NIPSNAP2: variants seen among roughly 807,000 people sequenced by gnomAD.
The protein encoded by NIPSNAP2 is protein NipSnap homolog 2.
NIPSNAP2 carries 42 observed loss-of-function variants against 48.4 expected under a neutral mutation model. The observed-to-expected ratio is 0.87, with a 90% CI of 0.68 to 1.12. The LOEUF (loss-of-function observed/expected upper bound fraction) is 1.12. NIPSNAP2 is among the 50% of genes most tolerant of loss of function. NIPSNAP2 has a pLI of 0.00. For synonymous variants in NIPSNAP2, 158 were observed against 126.6 expected (o/e 1.25, Z -1.67); for missense variants, 314 against 347.3 (o/e 0.90, Z 0.76).
intron 1 of NIPSNAP2, among the ~76,000 whole-genome samples, chr7:55,967,848 C>T (rs895754864): frequency 6.6e-6 from 1 of 151,926 alleles, no homozygotes; most frequent in African/African-American, 2.4e-5. Context: ...TGGGGTTTCT[C>T]CATGTTGCCC....
intron 8 of NIPSNAP2, among the ~76,000 whole-genome samples, chr7:55,997,158 GAAAAA>G (rs34739025): frequency 8.9e-6 from 1 of 112,298 alleles, no homozygotes; most frequent in Admixed American, 9.4e-5. Context: ...CCTTGTCTCA[GAAAAA>G]AAAAAAAAAA....
intron 1 of NIPSNAP2, among the ~76,000 whole-genome samples, chr7:55,972,334 T>C (rs1787029358): frequency 6.6e-6 from 1 of 151,050 alleles, no homozygotes; most frequent in African/African-American, 2.4e-5. Context: ...CATACAGAAA[T>C]TACATAGTCC....
intron 1 of NIPSNAP2, among the ~76,000 whole-genome samples, chr7:55,965,576 T>A (rs1786875566): frequency 6.6e-6 from 1 of 152,036 alleles, no homozygotes; most frequent in South Asian, 2.1e-4. Flanking sequence ...ATTATTGTTG[T>A]TGTTTATTTA....
In NIPSNAP2 at chr7:55,994,909, C is replaced by T. The variant is rs974504222; in HGVS notation, c.633C>T (p.Arg211=). 6 of 1,614,054 alleles carry T rather than the reference C, an allele frequency of 3.7e-6. No homozygotes were observed. Among genetic ancestry groups the T allele is most frequent in the East Asian group, 2.2e-5 (1 of 44,898 alleles). The part of the protein sequence containing the change: ...EWGNYWARAI[R]FRQDGNEAVG... ...ATTCTTACAGGGCTCGTGCAATCCGCTTCAGACAGGATGGTAACGAAGCCG... is the reference window on the plus strand; with the variant it reads ...ATTCTTACAGGGCTCGTGCAATCCGTTTCAGACAGGATGGTAACGAAGCCG... The change falls in exon 8 of 10, where the codon CGC becomes CGT. Residue 211 remains arginine (R), a synonymous_variant. Transcript: ENST00000322090.
At chr7:55,967,188 C>T (rs943616986) in intron 1 of NIPSNAP2, among the ~76,000 whole-genome samples, 2 of 152,236 alleles carry the variant, frequency 1.3e-5, no homozygotes, top group Non-Finnish European at 2.9e-5. Flanking sequence ...CAGGATTTAA[C>T]TCCTCTTCCT....
At chr7:55,996,460 T>A (rs995920552) in intron 8 of NIPSNAP2, among the ~76,000 whole-genome samples, 2 of 152,064 alleles carry the variant, frequency 1.3e-5, no homozygotes, top group Non-Finnish European at 2.9e-5. Context: ...CCCACAGCTC[T>A]CCCATTGCTT....
chr7:55,965,405 T>C (rs1786872176), intron 1 of NIPSNAP2, among the ~76,000 whole-genome samples: 1 of 152,170 alleles, frequency 6.6e-6, no homozygotes, highest in Non-Finnish European at 1.5e-5. Context: ...CCTTGATATT[T>C]GCATGTGCTG....
chr7:55,990,111 T>C (rs1030913609), intron 7 of NIPSNAP2, among the ~76,000 whole-genome samples: 1 of 152,002 alleles, frequency 6.6e-6, no homozygotes, highest in African/African-American at 2.4e-5. Context: ...TTTTGAAACA[T>C]TGGGATAGTT....
At chr7:55,997,192 TC>T (rs1213444889) in intron 8 of NIPSNAP2, among the ~76,000 whole-genome samples, 173 bp from the exon 9 acceptor site, 2 of 151,886 alleles carry the variant, frequency 1.3e-5, no homozygotes, top group African/African-American at 4.8e-5. Flanking sequence ...AGTTTGCTTT[TC>T]CCACGTGGCC....
chr7:55,965,495 A>G (rs1453427861), intron 1 of NIPSNAP2, among the ~76,000 whole-genome samples: 1 of 152,150 alleles, frequency 6.6e-6, no homozygotes, highest in Non-Finnish European at 1.5e-5. Context: ...GGTAGTTTAA[A>G]TTACCTAAGG....
At position 55,983,783 on chromosome 7, in the gene NIPSNAP2, A is replaced by G; in HGVS notation, c.500A>G (p.Gln167Arg). The change falls in exon 6 of 10, where the codon CAG (glutamine) becomes CGG (arginine). Residue 167 changes from glutamine to arginine, a missense_variant. By Grantham distance (43) the Gln-to-Arg change is conservative. Transcript: ENST00000322090. The part of the protein sequence containing the change: ...RSDMLLSRKN[Q>R]LLLEFSFWNE... ...GACATGCTTCTCTCCAGGAAGAATC[A>G]GCTCCTGTTGGAGTTCAGTTTCTGG... The G allele has an allele frequency of 1.9e-6, 3 of 1,614,126 alleles. No individual in the cohort carries two copies. Among genetic ancestry groups the G allele is most frequent in the Non-Finnish European group, 2.5e-6 (3 of 1,179,978 alleles).
At chr7:55,971,067 T>C (rs1787007213) in intron 1 of NIPSNAP2, among the ~76,000 whole-genome samples, 1 of 152,200 alleles carries the variant, frequency 6.6e-6, no homozygotes, top group South Asian at 2.1e-4. Flanking sequence ...TCTAGTGTTT[T>C]GTATAGTGCA....
chr7:55,993,237 T>G (rs1215772469), intron 7 of NIPSNAP2, among the ~76,000 whole-genome samples: 1 of 151,242 alleles, frequency 6.6e-6, no homozygotes, highest in African/African-American at 2.4e-5. Flanking sequence ...AGGCAGAGGT[T>G]GCAGTGAGCC....
At chr7:55,971,632 T>C (rs1332638356) in intron 1 of NIPSNAP2, among the ~76,000 whole-genome samples, 2 of 152,076 alleles carry the variant, frequency 1.3e-5, no homozygotes, top group East Asian at 3.9e-4. Flanking sequence ...CCAGCTACTC[T>C]TTTTATTTTT....
rs1787629172 is a variant in NIPSNAP2, at chr7:55,999,140, T to G, written c.*68T>G. 7.5e-7 allele frequency: 1 copy of G among 1,342,226 alleles called. No homozygotes were observed. The highest frequency in any genetic ancestry group is 1.1e-6 in the Non-Finnish European group (1 of 940,286). 83.1% of individuals were successfully genotyped at this position (1,342,226 alleles called of 1,614,324 possible). ...GTATTTGTCGTAAATTAATTTTAAT[T>G]GTGTATCAAGTGAAAAAGAAACACT... On this transcript the variant is annotated 3_prime_UTR_variant, in exon 10 of 10. Coordinates refer to ENST00000322090, the MANE Select transcript of NIPSNAP2 (RefSeq NM_001483.3).
chr7:55,997,955 A>C (rs1787596830), intron 9 of NIPSNAP2, among the ~76,000 whole-genome samples: 1 of 152,196 alleles, frequency 6.6e-6, no homozygotes, highest in Admixed American at 6.5e-5. Context: ...TGATTTTTAA[A>C]AGAAAACAGT....
chr7:55,997,205 A>C (rs1584353745), intron 8 of NIPSNAP2, among the ~76,000 whole-genome samples, 161 bp from the exon 9 acceptor site: 1 of 151,946 alleles, frequency 6.6e-6, no homozygotes. Context: ...CACGTGGCCT[A>C]ATATAATTTT....
At chr7:55,994,727 TAAATA>T (rs1787522192) in intron 7 of NIPSNAP2, among the ~76,000 whole-genome samples, 162 bp from the exon 8 acceptor site, 1 of 151,412 alleles carries the variant, frequency 6.6e-6, no homozygotes, top group African/African-American at 2.4e-5. Context: ...AATAATAAAG[TAAATA>T]AAATAACTTT....
chr7:55,984,935 C>T, intron 7 of NIPSNAP2, 57 bp downstream of exon 7: 2 of 1,393,056 alleles, frequency 1.4e-6, no homozygotes, highest in Non-Finnish European at 1.0e-6. Flanking sequence ...TAGTTTAGGC[C>T]ATAGTGTTAA....
Sources: allele counts gnomAD v4.1 joint callset (sites outside exome capture counted in the v4.1 genomes callset), GRCh38; gene constraint gnomAD v4.1.1; transcripts MANE v1.5; gene names NCBI Gene and HGNC (gene_info 2026-07-23, HGNC 2026-07-21).